Variants in CAMK4 observed in about 807,000 individuals in gnomAD.
CAMK4 encodes the protein calcium/calmodulin-dependent protein kinase type IV.
Under a neutral mutation model 44.9 loss-of-function variants are expected in CAMK4, and 22 were observed. The observed-to-expected ratio is 0.49, with a 90% confidence interval of 0.35 to 0.70. CAMK4 has a LOEUF of 0.70. CAMK4 is among the 30% of genes least tolerant of loss of function. The pLI is 0.01. For synonymous variants in CAMK4, 218 were observed against 215.4 expected, an observed-to-expected ratio of 1.01 and a Z score of -0.11; for missense variants, 498 against 586.8, an observed-to-expected ratio of 0.85 and a Z score of 1.56.
chr5:111,297,767 C>T (rs1055398742), intron 1 of CAMK4, among the ~76,000 whole-genome samples: 3 of 152,172 alleles, frequency 2.0e-5, no homozygotes, highest in African/African-American at 7.2e-5. Flanking sequence ...AGTTGTTACA[C>T]ATCATTCTAC....
At position 111,489,494 on chromosome 5, in the gene CAMK4, A is replaced by G. The variant is rs79157194; in HGVS notation, c.*5028A>G. Reference sequence around the variant, plus strand: ...ATTTGTTTGGTTATTTAAAATTCCAACTTTCATAAATGCTCTGTGATGTAC... The same window carrying G: ...ATTTGTTTGGTTATTTAAAATTCCAGCTTTCATAAATGCTCTGTGATGTAC... On this transcript the variant is annotated 3_prime_UTR_variant, in exon 11 of 11. Coordinates refer to ENST00000282356, the MANE Select transcript of CAMK4 (RefSeq NM_001744.6). The G allele has an allele frequency of 2.6e-5, 4 of 152,150 alleles. No homozygotes were observed. 9.4% of individuals were successfully genotyped at this position (152,150 alleles called of 1,614,324 possible).
At chr5:111,237,668 C>T (rs1748790092) in intron 1 of CAMK4, among the ~76,000 whole-genome samples, 1 of 152,162 alleles carries the variant, frequency 6.6e-6, no homozygotes, top group South Asian at 2.1e-4. Context: ...TCTAGTTTTG[C>T]TTTTAGAAAA....
chr5:111,272,000 C>T (rs1440057614), intron 1 of CAMK4, among the ~76,000 whole-genome samples: 1 of 152,096 alleles, frequency 6.6e-6, no homozygotes. Context: ...ATCTGAGTAT[C>T]TCCCAACCCA....
chr5:111,262,176 C>T (rs539562451), intron 1 of CAMK4, among the ~76,000 whole-genome samples: 120 of 129,834 alleles, frequency 9.2e-4, no homozygotes, highest in Non-Finnish European at 1.3e-3. Context: ...ACTAGCTAAA[C>T]GGGCAAAAAA....
In CAMK4 at chr5:111,493,667, T is replaced by A. The variant is rs1755943580; in HGVS notation, c.*9201T>A. 1 of 152,240 alleles carries A rather than the reference T, an allele frequency of 6.6e-6. No homozygotes were observed. Among genetic ancestry groups the A allele is most frequent in the Non-Finnish European group, 1.5e-5 (1 of 68,036 alleles). The allele number at this position is 152,240 out of a possible 1,614,324, so 9.4% of individuals were successfully genotyped here. ...TCAACCTGCTCCTGTCAAGTCCTTT[T>A]TCATCTCTCCCTTTTGTCCCTTTAC... On this transcript the variant is annotated 3_prime_UTR_variant, in exon 11 of 11. Coordinates refer to ENST00000282356, the MANE Select transcript of CAMK4 (RefSeq NM_001744.6). The surrounding 1 kb of genome is among the most constrained non-coding windows in gnomAD (Gnocchi z 4.1).
rs201866448 is a variant in CAMK4, at chr5:111,374,864, C to T, written c.255C>T (p.Ile85=). 8.7e-6 allele frequency: 14 copies of T among 1,610,288 alleles called. No homozygotes were observed. The highest frequency in any genetic ancestry group is 4.0e-5 in the African/African-American group (3 of 74,910). The part of the protein sequence containing the change: ...KVLKKTVDKK[I]VRTEIGVLLR... ...TTGCCTTTTAGGTGGACAAAAAAAT[C>T]GTAAGAACTGAGATAGGAGTTCTTC... The change falls in exon 3 of 11, where the codon ATC becomes ATT. Residue 85 remains isoleucine (I), a synonymous_variant. Coordinates refer to ENST00000282356, the MANE Select transcript of CAMK4 (RefSeq NM_001744.6).
chr5:111,363,830 T>A (rs1375601658), intron 2 of CAMK4, among the ~76,000 whole-genome samples: 1 of 151,950 alleles, frequency 6.6e-6, no homozygotes, highest in African/African-American at 2.4e-5. Flanking sequence ...TGGCAAAGAG[T>A]TTATACTTAC....
At chr5:111,296,435 A>G (rs1474748824) in intron 1 of CAMK4, among the ~76,000 whole-genome samples, 1 of 152,210 alleles carries the variant, frequency 6.6e-6, no homozygotes, top group East Asian at 1.9e-4. Context: ...CAAAAAATAA[A>G]ATTAACTCCT....
chr5:111,414,727 G>A (rs1386935912), intron 5 of CAMK4, among the ~76,000 whole-genome samples: 3 of 151,718 alleles, frequency 2.0e-5, no homozygotes, highest in Non-Finnish European at 4.4e-5. Context: ...CTATATAACA[G>A]GAAAAATAAG....
At chr5:111,312,783 G>A (rs565626120) in intron 1 of CAMK4, among the ~76,000 whole-genome samples, 4 of 152,250 alleles carry the variant, frequency 2.6e-5, no homozygotes, top group Non-Finnish European at 4.4e-5. Context: ...CCCCGTTGAC[G>A]AATGTGATTT....
intron 1 of CAMK4, among the ~76,000 whole-genome samples, chr5:111,312,256 A>C (rs551061295): frequency 6.6e-6 from 1 of 152,306 alleles, no homozygotes; most frequent in African/African-American, 2.4e-5. Flanking sequence ...ATCACCAAAC[A>C]AGCCAGATAT....
In CAMK4 at chr5:111,374,877, A is replaced by G. The variant is rs776561276; in HGVS notation, c.268A>G (p.Ile90Val). The G allele has an allele frequency of 6.2e-7, 1 of 1,612,026 alleles. No homozygotes were observed. The highest frequency in any genetic ancestry group is 8.5e-7 in the Non-Finnish European group (1 of 1,178,472). ...GGACAAAAAAATCGTAAGAACTGAGATAGGAGTTCTTCTTCGCCTCTCACA... is the reference window on the plus strand; with the variant it reads ...GGACAAAAAAATCGTAAGAACTGAGGTAGGAGTTCTTCTTCGCCTCTCACA... ...TVDKKIVRTE[I>V]GVLLRLSHPN... The change falls in exon 3 of 11, where the codon ATA becomes GTA. Residue 90 changes from isoleucine to valine, a missense_variant. Around this residue, in one of 3 missense-constraint regions of CAMK4, gnomAD observed 152 missense variants for 143.7 expected, o/e 1.06. Transcript: ENST00000282356.
intron 4 of CAMK4, among the ~76,000 whole-genome samples, chr5:111,381,104 C>A (rs306122): frequency 0.88 from 133,777 of 152,120 alleles, 59,040 homozygotes; most frequent in East Asian, 1. Context: ...TAAATGACTT[C>A]AGAAGGAAAT....
At chr5:111,405,375 G>A (rs1237822743) in intron 5 of CAMK4, among the ~76,000 whole-genome samples, 3 of 152,164 alleles carry the variant, frequency 2.0e-5, no homozygotes, top group Non-Finnish European at 4.4e-5. Context: ...GGCTGAGGCA[G>A]GAGAATCATT....
chr5:111,251,623 C>A (rs960196516), intron 1 of CAMK4, among the ~76,000 whole-genome samples: 2 of 152,184 alleles, frequency 1.3e-5, no homozygotes, highest in East Asian at 3.8e-4. Context: ...TTTGAGAAGG[C>A]CTTTCTGTGA....
At chr5:111,368,815 C>T (rs1317351856) in intron 2 of CAMK4, among the ~76,000 whole-genome samples, 1 of 151,924 alleles carries the variant, frequency 6.6e-6, no homozygotes, top group Non-Finnish European at 1.5e-5. Context: ...TTCTTATTTG[C>T]TTCACCCTTC....
At chr5:111,311,785 GTGTTTGC>G in intron 1 of CAMK4, among the ~76,000 whole-genome samples, 1 of 152,206 alleles carries the variant, frequency 6.6e-6, no homozygotes, top group South Asian at 2.1e-4. Context: ...TAAACCAGCT[GTGTTTGC>G]TGTCATCTTT....
chr5:111,372,077 G>T lies in CAMK4; in HGVS notation c.241-2773G>T, dbSNP rs573719698. Among the ~76,000 whole-genome samples, 5 of 152,236 alleles carry T rather than the reference G, an allele frequency of 3.3e-5. No individual in the cohort carries two copies. The South Asian group carries it at 1.0e-3, about 32-fold the overall frequency. On this transcript the variant is annotated intron_variant, in intron 2 of 10. Coordinates refer to ENST00000282356, the MANE Select transcript of CAMK4 (RefSeq NM_001744.6). ...GGCCCATTTGGGTTACTAGTAAATG[G>T]TCAAAACTTTGAATATGAAATAAAC...
chr5:111,417,760 T>A (rs553327059), intron 5 of CAMK4, among the ~76,000 whole-genome samples: 1 of 152,338 alleles, frequency 6.6e-6, no homozygotes, highest in East Asian at 1.9e-4. Context: ...CCGTGACAAA[T>A]GCTTTTAAAA....
Sources: gnomAD v4.1 joint callset for allele counts (sites outside exome capture counted in the v4.1 genomes callset) on GRCh38, gnomAD v4.1.1 for gene constraint, gnomAD v4.1.1 regional missense constraint, Gnocchi (gnomAD v3.1) non-coding constraint, MANE v1.5 for transcripts, NCBI Gene and HGNC (gene_info 2026-07-23, HGNC 2026-07-21) for gene names.